The following SDK1 variants were observed in gnomAD, a reference collection of about 807,000 sequenced individuals.
SDK1 encodes the protein protein sidekick-1.
A neutral mutation model predicts 245.5 loss-of-function variants in SDK1; 157 were observed. That is an observed-to-expected ratio of 0.64 (90% CI 0.56 to 0.73). SDK1 has a LOEUF of 0.73. Ranked by LOEUF, SDK1 falls within the 30% of genes least tolerant of loss-of-function variation. The pLI, the probability that SDK1 is intolerant of heterozygous loss-of-function variation, is 0.00. For synonymous variants in SDK1, 1,647 were observed against 1,278.5 expected (o/e 1.29, Z -6.15); for missense variants, 3,583 against 3,002.3 (o/e 1.19, Z -4.52).
rs76516534 is a variant in SDK1, at chr7:3,449,483, A to C, written c.298+147599A>C. Among the ~76,000 whole-genome samples, 311 of 152,318 alleles carry C rather than the reference A, an allele frequency of 2.0e-3. 2 individuals carry two copies. The highest frequency in any genetic ancestry group is 7.3e-3 in the African/African-American group (304 of 41,570). On this transcript the variant is annotated intron_variant, in intron 1 of 44. Coordinates refer to ENST00000404826, the MANE Select transcript of SDK1 (RefSeq NM_152744.4). ...AGCCAGGAGTGGCTTGAAGAATTGT[A>C]TCAGTTACAGATTTGAGAAGATTTG...
intron 5 of SDK1, among the ~76,000 whole-genome samples, chr7:3,849,789 C>T (rs1224006223): frequency 6.6e-6 from 1 of 152,144 alleles, no homozygotes; most frequent in Non-Finnish European, 1.5e-5. Flanking sequence ...TTTCTTGTTA[C>T]TGTACCTATC....
At chr7:3,802,958 T>C (rs1779143041) in intron 4 of SDK1, among the ~76,000 whole-genome samples, 1 of 152,238 alleles carries the variant, frequency 6.6e-6, no homozygotes, top group Non-Finnish European at 1.5e-5. Flanking sequence ...TGCGTAGATG[T>C]AAATTTTCAT....
At chr7:3,339,337 TAAATG>T (rs1212926678) in intron 1 of SDK1, among the ~76,000 whole-genome samples, 3 of 152,114 alleles carry the variant, frequency 2.0e-5, no homozygotes, top group Admixed American at 6.5e-5. Flanking sequence ...TACATATAAA[TAAATG>T]TAATAAATAA....
chr7:4,056,578 A>ACC (rs1779212509), intron 19 of SDK1, among the ~76,000 whole-genome samples: 1 of 152,060 alleles, frequency 6.6e-6, no homozygotes, highest in Admixed American at 6.5e-5. Flanking sequence ...AGGGAAAGGG[A>ACC]GAGACCCCCG....
rs549306377 is a variant in SDK1 at position 3,949,677 on chromosome 7, A to T, written c.848-1246A>T. Among the ~76,000 whole-genome samples, 4 of 152,344 alleles carry T rather than the reference A, an allele frequency of 2.6e-5. No homozygotes were observed. In the East Asian group the frequency reaches 7.7e-4, roughly 29 times the overall value. Reference sequence around the variant, plus strand: ...TCATTTTCTCTAAATAAACAGTAGTAAAGTGTACTGTGGGTAGTTTAATTT... The same window carrying T: ...TCATTTTCTCTAAATAAACAGTAGTTAAGTGTACTGTGGGTAGTTTAATTT... On this transcript the variant is annotated intron_variant, in intron 5 of 44. Coordinates refer to ENST00000404826, the MANE Select transcript of SDK1 (RefSeq NM_152744.4).
At chr7:4,252,933 A>C (rs892677345) in intron 44 of SDK1, among the ~76,000 whole-genome samples, 2 of 149,900 alleles carry the variant, frequency 1.3e-5, no homozygotes, top group African/African-American at 4.9e-5. Context: ...AGTTGCTTAT[A>C]GTTGTGTACA....
At chr7:3,965,965 C>T (rs1782052142) in intron 9 of SDK1, among the ~76,000 whole-genome samples, 1 of 151,672 alleles carries the variant, frequency 6.6e-6, no homozygotes, top group African/African-American at 2.4e-5. Flanking sequence ...AGCAGGGTGG[C>T]CATGACGGGC....
At chr7:3,409,169 T>C (rs1222062175) in intron 1 of SDK1, among the ~76,000 whole-genome samples, 1 of 152,264 alleles carries the variant, frequency 6.6e-6, no homozygotes, top group East Asian at 1.9e-4. Flanking sequence ...CAGATTAACA[T>C]GAGCCTTGTT....
chr7:3,334,902 T>A (rs918165211), intron 1 of SDK1, among the ~76,000 whole-genome samples: 10 of 152,172 alleles, frequency 6.6e-5, no homozygotes, highest in African/African-American at 2.4e-4. Context: ...TCTCTCTCAC[T>A]TAGTGTCTCC....
chr7:3,713,805 A>G (rs1186721190), intron 4 of SDK1, among the ~76,000 whole-genome samples: 2 of 152,244 alleles, frequency 1.3e-5, no homozygotes, highest in African/African-American at 4.8e-5. Context: ...GCTAATGTTA[A>G]GGTATTATAG....
intron 1 of SDK1, among the ~76,000 whole-genome samples, chr7:3,345,113 G>A (rs1388160955): frequency 6.6e-6 from 1 of 152,212 alleles, no homozygotes; most frequent in Admixed American, 6.5e-5. Context: ...TCCACGGAAT[G>A]TGGTTTGATC....
intron 17 of SDK1, among the ~76,000 whole-genome samples, chr7:4,017,977 G>T (rs143113242): frequency 6.6e-6 from 1 of 152,018 alleles, no homozygotes; most frequent in Non-Finnish European, 1.5e-5. Context: ...TGGTTCCTCC[G>T]CTGTTTTCTG....
chr7:3,752,692 A>G (rs1157085929), intron 4 of SDK1, among the ~76,000 whole-genome samples: 1 of 151,806 alleles, frequency 6.6e-6, no homozygotes, highest in Non-Finnish European at 1.5e-5. Flanking sequence ...AATTCTTAAA[A>G]CTCCGTGAAT....
chr7:4,074,658 T>G (rs1780506569), intron 20 of SDK1, among the ~76,000 whole-genome samples: 1 of 151,660 alleles, frequency 6.6e-6, no homozygotes, highest in African/African-American at 2.4e-5. Context: ...ACCAGGAGTT[T>G]GAGACCAGCC....
chr7:3,794,338 G>T (rs755800545), intron 4 of SDK1, among the ~76,000 whole-genome samples: 4 of 151,846 alleles, frequency 2.6e-5, no homozygotes, highest in Non-Finnish European at 4.4e-5. Flanking sequence ...TTTTTATAAC[G>T]ATTTTAAAAA....
intron 5 of SDK1, among the ~76,000 whole-genome samples, chr7:3,903,149 GTT>G (rs79544680): frequency 7.0e-6 from 1 of 142,356 alleles, no homozygotes; most frequent in African/African-American, 2.6e-5. Context: ...TTTTTGTTTT[GTT>G]TTTTTTTTTT....
At chr7:4,167,541 G>C (rs1781571574) in intron 32 of SDK1, among the ~76,000 whole-genome samples, 1 of 152,232 alleles carries the variant, frequency 6.6e-6, no homozygotes, top group African/African-American at 2.4e-5. Context: ...TTCCCTTCAA[G>C]CTTCTCTCCA....
chr7:4,035,667 C>T (rs1236573897), intron 17 of SDK1, among the ~76,000 whole-genome samples: 1 of 152,160 alleles, frequency 6.6e-6, no homozygotes, highest in African/African-American at 2.4e-5. Context: ...CCTTTTAAAA[C>T]TTAACCTAGT....
chr7:3,779,454 T>A (rs537311968), intron 4 of SDK1, among the ~76,000 whole-genome samples: 1 of 151,590 alleles, frequency 6.6e-6, no homozygotes, highest in African/African-American at 2.4e-5. Context: ...GTAACCTATT[T>A]TTTTTAAAAA....
Sources: allele counts gnomAD v4.1 joint callset (sites outside exome capture counted in the v4.1 genomes callset), GRCh38; gene constraint gnomAD v4.1.1; transcripts MANE v1.5; gene names NCBI Gene and HGNC (gene_info 2026-07-23, HGNC 2026-07-21).